The following PBX1 variants were observed in gnomAD, a reference collection of about 807,000 sequenced individuals.
PBX1 encodes the protein pre-B-cell leukemia transcription factor 1.
In PBX1, 6 loss-of-function variants were observed where a neutral mutation model predicts 53.4. The observed-to-expected ratio is 0.11, with a 90% CI of 0.06 to 0.22. The LOEUF (loss-of-function observed/expected upper bound fraction) is 0.22, where lower values mean the gene tolerates loss of function less well. Ranked by LOEUF, PBX1 falls within the 10% of genes least tolerant of loss-of-function variation. The pLI, the probability that PBX1 is intolerant of heterozygous loss-of-function variation, is 1.00. For missense variants in PBX1, 251 were observed against 551.4 expected (o/e 0.46, Z 5.46); for synonymous variants, 204 against 212.3 (o/e 0.96, Z 0.34).
chr1:164,640,556 G>GTTTTTTTTTTTTTT (rs1272033438), intron 2 of PBX1, among the ~76,000 whole-genome samples: 12 of 30,638 alleles, frequency 3.9e-4, no homozygotes, highest in South Asian at 1.7e-3. Context: ...TTTTTTTTTT[G>GTTTTTTTTTTTTTT]TGTTTTTTTT....
intron 2 of PBX1, among the ~76,000 whole-genome samples, chr1:164,573,030 G>A (rs1653981236): frequency 6.6e-6 from 1 of 152,100 alleles, no homozygotes; most frequent in Admixed American, 6.5e-5. Context: ...CTAGAGTTCT[G>A]TGGAGAGAAT....
chr1:164,617,245 T>C (rs1399686220), intron 2 of PBX1, among the ~76,000 whole-genome samples: 1 of 152,224 alleles, frequency 6.6e-6, no homozygotes, highest in Non-Finnish European at 1.5e-5. Context: ...GTCTGTTAGC[T>C]GGGCTGAGTT....
chr1:164,635,230 A>G (rs1254802579), intron 2 of PBX1, among the ~76,000 whole-genome samples: 1 of 152,148 alleles, frequency 6.6e-6, no homozygotes, highest in African/African-American at 2.4e-5. Context: ...TCTTAATCCA[A>G]GAGAGGAGCT....
chr1:164,592,834 T>A (rs1655488205), intron 2 of PBX1, among the ~76,000 whole-genome samples: 1 of 152,204 alleles, frequency 6.6e-6, no homozygotes, highest in Non-Finnish European at 1.5e-5. Context: ...GGATAAAGAC[T>A]GCCCCTGGGT....
intron 2 of PBX1, chr1:164,642,935 AGT>A (rs1314494235): frequency 2.6e-5 from 4 of 152,194 alleles, no homozygotes; most frequent in Non-Finnish European, 5.9e-5. Flanking sequence ...TTTAAGATAA[AGT>A]ATAGAAGCAA....
chr1:164,718,135 A>G (rs1176252745), intron 2 of PBX1, among the ~76,000 whole-genome samples: 2 of 152,238 alleles, frequency 1.3e-5, no homozygotes, highest in Non-Finnish European at 2.9e-5. Flanking sequence ...AACTGTGGAT[A>G]AAGTTGTGTT....
At chr1:164,700,569 A>G (rs1663060497) in intron 2 of PBX1, 1 of 985,280 alleles carries the variant, frequency 1.0e-6, no homozygotes, top group South Asian at 4.7e-5. Flanking sequence ...GTTGGGGGAC[A>G]CGGGAGCAGA....
chr1:164,572,245 A>C (rs1571242602), intron 2 of PBX1, among the ~76,000 whole-genome samples: 2 of 151,958 alleles, frequency 1.3e-5, no homozygotes, highest in Non-Finnish European at 2.9e-5. Context: ...CTTAAGTCAT[A>C]GTGTAAATGG....
intron 2 of PBX1, chr1:164,884,557 T>C: frequency 1.9e-6 from 1 of 515,168 alleles, no homozygotes; most frequent in Admixed American, 2.3e-5. Flanking sequence ...TGCAAGAACC[T>C]ATTGATGGCT....
chr1:164,707,931 G>A (rs959971168), intron 2 of PBX1, among the ~76,000 whole-genome samples: 8 of 152,234 alleles, frequency 5.3e-5, no homozygotes, highest in African/African-American at 1.9e-4. Flanking sequence ...GGCAGAGCCC[G>A]AGAGAGCTGA....
chr1:164,737,621 G>A (rs1665368002), intron 2 of PBX1, among the ~76,000 whole-genome samples: 1 of 151,934 alleles, frequency 6.6e-6, no homozygotes, highest in Admixed American at 6.6e-5. Flanking sequence ...TGGGACTACA[G>A]GTGCACACCA....
downstream of PBX1, among the ~76,000 whole-genome samples, chr1:164,856,055 G>A (rs1671969395): frequency 6.6e-6 from 1 of 152,134 alleles, no homozygotes; most frequent in South Asian, 2.1e-4. Flanking sequence ...GACCTCTGCT[G>A]CTTCCTTCTC....
intron 2 of PBX1, among the ~76,000 whole-genome samples, chr1:164,761,619 A>G (rs960014640): frequency 6.6e-6 from 1 of 151,956 alleles, no homozygotes; most frequent in Non-Finnish European, 1.5e-5. Flanking sequence ...TAATTTTTGT[A>G]TTTTTAGTAG....
chr1:164,596,725 A>G (rs577257147), intron 2 of PBX1, among the ~76,000 whole-genome samples: 1 of 152,178 alleles, frequency 6.6e-6, no homozygotes, highest in Non-Finnish European at 1.5e-5. Flanking sequence ...TCAGTTCCAT[A>G]TGTATAAAGT....
At chr1:164,875,103 A>G (rs1250743250) in intron 2 of PBX1, among the ~76,000 whole-genome samples, 4 of 152,140 alleles carry the variant, frequency 2.6e-5, no homozygotes, top group African/African-American at 7.2e-5. Flanking sequence ...GTCCAGAGAC[A>G]CTTGCCTTAC....
intron 8 of PBX1, among the ~76,000 whole-genome samples, chr1:164,843,862 C>T (rs998348526): frequency 3.3e-5 from 5 of 152,104 alleles, no homozygotes; most frequent in Admixed American, 6.5e-5. Context: ...CTTGTCAATT[C>T]CTTCTTAATG....
chr1:164,649,588 C>G (rs754497537), intron 2 of PBX1, among the ~76,000 whole-genome samples: 3 of 152,110 alleles, frequency 2.0e-5, no homozygotes, highest in Non-Finnish European at 2.9e-5. Flanking sequence ...CACTTGGCTT[C>G]CTAGATTGTG....
intron 2 of PBX1, among the ~76,000 whole-genome samples, chr1:164,748,486 C>G (rs74121209): frequency 6.6e-6 from 1 of 152,154 alleles, no homozygotes; most frequent in Non-Finnish European, 1.5e-5. Context: ...GAAGAGGTCA[C>G]GGCAGGCTCT....
intron 2 of PBX1, among the ~76,000 whole-genome samples, chr1:164,611,733 G>A (rs1280198037): frequency 2.0e-5 from 3 of 152,196 alleles, no homozygotes; most frequent in Admixed American, 6.5e-5. Context: ...TGCTGGAAGA[G>A]TAGAGAAGAG....
Sources: allele counts gnomAD v4.1 joint callset (sites outside exome capture counted in the v4.1 genomes callset), GRCh38; gene constraint gnomAD v4.1.1; transcripts MANE v1.5; gene names NCBI Gene and HGNC (gene_info 2026-07-23, HGNC 2026-07-21).